SLC1A2: variants seen among roughly 807,000 people sequenced by gnomAD.
SLC1A2 encodes the protein solute carrier family 1 member 2.
In SLC1A2, 15 loss-of-function variants were observed where a neutral mutation model predicts 48.8. The observed-to-expected ratio is 0.31, with a 90% confidence interval of 0.21 to 0.47. The LOEUF (loss-of-function observed/expected upper bound fraction) is 0.47, where lower values mean the gene tolerates loss of function less well. Ranked by LOEUF, SLC1A2 falls within the 20% of genes least tolerant of loss-of-function variation. The probability of loss-of-function intolerance (pLI) is 0.99; values close to 1 mark genes in which losing one functional copy is unlikely to be tolerated. For missense variants in SLC1A2, 502 were observed against 730.5 expected (o/e 0.69, Z 3.61); for synonymous variants, 279 against 272.6 (o/e 1.02, Z -0.23).
chr11:35,330,693 TGAAG>T (rs1852398041), intron 1 of SLC1A2, among the ~76,000 whole-genome samples: 1 of 151,988 alleles, frequency 6.6e-6, no homozygotes, highest in East Asian at 1.9e-4. Context: ...AAGAAAGAAC[TGAAG>T]GATGGCAGCA....
At position 35,370,567 on chromosome 11, in the gene SLC1A2, T is replaced by C. The variant is rs541302701; in HGVS notation, c.17+48383A>G. 5.9e-5 allele frequency among the ~76,000 whole-genome samples: 9 copies of C among 152,124 alleles called. No individual in the cohort carries two copies. In the South Asian group the frequency reaches 1.9e-3, roughly 32 times the overall value. ...ACTCAGCAGCCTGACAGAGGGTACA[T>C]ATGGGTTGGAGGAGAAGCCCAAAGA... On this transcript the variant is annotated intron_variant, in intron 1 of 10. Coordinates refer to ENST00000278379, the MANE Select transcript of SLC1A2 (RefSeq NM_004171.4).
At chr11:35,300,956 C>A (rs1330334822) in intron 6 of SLC1A2, among the ~76,000 whole-genome samples, 4 of 152,152 alleles carry the variant, frequency 2.6e-5, no homozygotes, top group Admixed American at 2.0e-4. Context: ...GTGAGGGAGG[C>A]CGAGCCTGCG....
chr11:35,308,357 G>C (rs1033451047), intron 4 of SLC1A2, among the ~76,000 whole-genome samples: 57 of 152,206 alleles, frequency 3.7e-4, no homozygotes, highest in Non-Finnish European at 1.0e-4. Context: ...ACGAACGCAG[G>C]CCGAGTTCTC....
At chr11:35,359,347 G>A (rs1397545857) in intron 1 of SLC1A2, among the ~76,000 whole-genome samples, 2 of 152,166 alleles carry the variant, frequency 1.3e-5, no homozygotes, top group Non-Finnish European at 2.9e-5. Flanking sequence ...TCCAATCATG[G>A]ATGATGATTT....
At chr11:35,274,317 A>G (rs749345880) in intron 9 of SLC1A2, among the ~76,000 whole-genome samples, 2 of 152,162 alleles carry the variant, frequency 1.3e-5, no homozygotes, top group Non-Finnish European at 2.9e-5. Context: ...ATCTGCAATT[A>G]TGCTGCCTCA....
intron 1 of SLC1A2, among the ~76,000 whole-genome samples, chr11:35,338,552 G>C (rs1385460578): frequency 6.6e-6 from 1 of 152,176 alleles, no homozygotes; most frequent in Admixed American, 6.5e-5. Context: ...AAAGTGGGAA[G>C]GAGGAGCTCT....
chr11:35,378,529 T>A (rs116295152), intron 1 of SLC1A2, among the ~76,000 whole-genome samples: 8 of 152,334 alleles, frequency 5.3e-5, no homozygotes, highest in Admixed American at 3.9e-4. Flanking sequence ...GCAATTTGTG[T>A]CTTTAGGAAT....
intron 9 of SLC1A2, among the ~76,000 whole-genome samples, chr11:35,271,757 C>T (rs1233095148): frequency 6.6e-6 from 1 of 152,092 alleles, no homozygotes. Context: ...GTGGGAGAAT[C>T]GCTTGGGCCT....
chr11:35,306,212 C>T lies in SLC1A2; in HGVS notation c.592G>A (p.Ala198Thr). The T allele has an allele frequency of 6.2e-7, 1 of 1,613,390 alleles. No individual in the cohort carries two copies. Among genetic ancestry groups the T allele is most frequent in the Non-Finnish European group, 8.5e-7 (1 of 1,179,792 alleles). ...IQTVTKKVLV[A>T]PPPDEEANAT... is the part of the protein sequence containing the mutation. ...TTGGCCTCCTCGTCCGGCGGTGGTG[C>T]AACCAGGACTTTCTTCGTCACTGTT... Residue 198 changes from alanine (A) to threonine (T), a missense_variant, in exon 5 of 11, where the codon GCA (alanine) becomes ACA (threonine). Physicochemically the swap from Ala to Thr is moderately conservative, Grantham distance 58. Around this residue, in one of 4 missense-constraint regions of SLC1A2, gnomAD observed 309 missense variants for 480.3 expected, o/e 0.64. Coordinates refer to ENST00000278379, the MANE Select transcript of SLC1A2 (RefSeq NM_004171.4).
At chr11:35,417,897 A>C (rs541443528) in intron 1 of SLC1A2, among the ~76,000 whole-genome samples, 74 of 152,340 alleles carry the variant, frequency 4.9e-4, no homozygotes, top group African/African-American at 1.7e-3. Flanking sequence ...GAGTTGGTAA[A>C]ATTTCTTAGG....
intron 1 of SLC1A2, among the ~76,000 whole-genome samples, chr11:35,383,097 T>C (rs1162171318): frequency 1.3e-5 from 2 of 152,204 alleles, no homozygotes; most frequent in African/African-American, 2.4e-5. Context: ...AAGTCAATTG[T>C]ATAGTGTAGC....
chr11:35,294,532 C>A (rs1030713965), intron 6 of SLC1A2, among the ~76,000 whole-genome samples: 3 of 152,154 alleles, frequency 2.0e-5, no homozygotes, highest in Non-Finnish European at 1.5e-5. Flanking sequence ...GCAGAATGAA[C>A]CTTCCTATAA....
chr11:35,345,884 T>C (rs892249777), intron 1 of SLC1A2, among the ~76,000 whole-genome samples: 3 of 152,334 alleles, frequency 2.0e-5, no homozygotes, highest in African/African-American at 7.2e-5. Context: ...TGTTTTATAT[T>C]CATTTTAACT....
At chr11:35,338,564 C>T (rs1331054438) in intron 1 of SLC1A2, among the ~76,000 whole-genome samples, 1 of 152,146 alleles carries the variant, frequency 6.6e-6, no homozygotes, top group Non-Finnish European at 1.5e-5. Flanking sequence ...AGGAGCTCTT[C>T]TTTGCTGAGG....
At position 35,258,462 on chromosome 11, in the gene SLC1A2, T is replaced by A. The variant is rs1950344095; in HGVS notation, c.*2432A>T. 6.6e-6 allele frequency: 1 copy of A among 152,604 alleles called. No homozygotes were observed. Among genetic ancestry groups the A allele is most frequent in the Non-Finnish European group, 1.5e-5 (1 of 68,038 alleles). The allele number at this position is 152,604 out of a possible 1,614,324, so 9.5% of individuals were successfully genotyped here. On this transcript the variant is annotated 3_prime_UTR_variant, in exon 11 of 11. Transcript: ENST00000278379. The stretch of plus-strand genomic sequence containing the variant: ...CCTGTGACCACTCCATTGAGAAACA[T>A]GCCCATGTATATAGATCCCAAAGCT...
intron 3 of SLC1A2, among the ~76,000 whole-genome samples, chr11:35,313,281 G>A (rs978811024): frequency 6.6e-6 from 1 of 152,094 alleles, no homozygotes; most frequent in African/African-American, 2.4e-5. Flanking sequence ...TAACGATTTT[G>A]CCCAGTCCTC....
intron 6 of SLC1A2, chr11:35,299,629 G>C (rs1405394608): frequency 6.6e-6 from 1 of 152,048 alleles, no homozygotes; most frequent in East Asian, 1.9e-4. Context: ...CTGAAATCTT[G>C]GAGTTATCAG....
At chr11:35,338,771 A>T (rs976773720) in intron 1 of SLC1A2, among the ~76,000 whole-genome samples, 5 of 152,228 alleles carry the variant, frequency 3.3e-5, no homozygotes, top group African/African-American at 1.2e-4. Flanking sequence ...CACTTAAGTC[A>T]GACTAAGGTA....
At chr11:35,329,180 T>A (rs1852346681) in intron 1 of SLC1A2, among the ~76,000 whole-genome samples, 1 of 152,220 alleles carries the variant, frequency 6.6e-6, no homozygotes, top group Non-Finnish European at 1.5e-5. Context: ...TCCAACTATA[T>A]GACATTCTGG....
Sources: gnomAD v4.1 joint callset for allele counts (sites outside exome capture counted in the v4.1 genomes callset) on GRCh38, gnomAD v4.1.1 for gene constraint, gnomAD v4.1.1 regional missense constraint, MANE v1.5 for transcripts, NCBI Gene and HGNC (gene_info 2026-07-23, HGNC 2026-07-21) for gene names.